Variants in GRID2 observed in about 807,000 individuals in gnomAD.
GRID2 encodes the protein glutamate ionotropic receptor delta type subunit 2.
GRID2 carries 33 observed loss-of-function variants against 114.8 expected under a neutral mutation model. The ratio of observed to expected loss-of-function variants is 0.29; its 90% CI spans 0.22 to 0.38. The LOEUF (loss-of-function observed/expected upper bound fraction) is 0.38, where lower values mean the gene tolerates loss of function less well. Ranked by LOEUF, GRID2 falls within the 10% of genes least tolerant of loss-of-function variation. The probability of loss-of-function intolerance (pLI) is 1.00; values close to 1 mark genes in which losing one functional copy is unlikely to be tolerated. For missense variants in GRID2, 1,184 were observed against 1,257.7 expected (o/e 0.94, Z 0.89); for synonymous variants, 505 against 449.9 (o/e 1.12, Z -1.55).
intron 14 of GRID2, among the ~76,000 whole-genome samples, chr4:93,670,946 T>C (rs191168280): frequency 5.3e-4 from 81 of 152,296 alleles, no homozygotes; most frequent in Middle Eastern, 3.4e-3. Flanking sequence ...GATCAAACAT[T>C]CTATATGTGT....
chr4:93,016,559 G>T (rs569896754), intron 2 of GRID2, among the ~76,000 whole-genome samples: 4 of 152,254 alleles, frequency 2.6e-5, no homozygotes, highest in Non-Finnish European at 5.9e-5. Flanking sequence ...CCCTCTCTGG[G>T]CAGTTGGAAG....
chr4:92,690,114 C>T (rs2658), intron 2 of GRID2, among the ~76,000 whole-genome samples: 9,679 of 151,878 alleles, frequency 0.064, 399 homozygotes, highest in East Asian at 0.088. Context: ...GCTTAATGGG[C>T]ACCTGAGGCC....
intron 2 of GRID2, among the ~76,000 whole-genome samples, chr4:92,644,052 C>T (rs1479150249): frequency 6.6e-6 from 1 of 151,534 alleles, no homozygotes; most frequent in Admixed American, 6.6e-5. Context: ...AGACAAAAAT[C>T]TACAACTAGA....
At chr4:92,727,102 TTC>T (rs1279023517) in intron 2 of GRID2, among the ~76,000 whole-genome samples, 1 of 152,052 alleles carries the variant, frequency 6.6e-6, no homozygotes, top group African/African-American at 2.4e-5. Context: ...TTATCTGAAT[TTC>T]TCTCCAATTA....
rs73839547 is a variant in GRID2 at position 93,481,215 on chromosome 4, G to T, written c.1859-9424G>T. ...AACGTGGTGAGTCCAGAAGAGATCC[G>T]TGAAATTTCCTATGTCAAGTTATTG... On this transcript the variant is annotated intron_variant, in intron 11 of 15. Transcript: ENST00000282020. Among the ~76,000 whole-genome samples the T allele has an allele frequency of 2.8e-3, 424 of 152,124 alleles. 2 individuals carry two copies. Among genetic ancestry groups the T allele is most frequent in the African/African-American group, 9.8e-3 (407 of 41,536 alleles).
At chr4:92,405,493 A>G (rs1279538500) in intron 1 of GRID2, among the ~76,000 whole-genome samples, 3 of 152,094 alleles carry the variant, frequency 2.0e-5, no homozygotes, top group Non-Finnish European at 2.9e-5. Context: ...TAAATTATAA[A>G]AGTGATTAGG....
chr4:93,764,890 TTTA>T (rs1270748327), intron 14 of GRID2, among the ~76,000 whole-genome samples: 2 of 152,224 alleles, frequency 1.3e-5, no homozygotes, highest in South Asian at 2.1e-4. Flanking sequence ...TTTTCTTGTG[TTTA>T]TTAAGAATTT....
At chr4:93,336,535 T>A (rs1423298982) in intron 8 of GRID2, among the ~76,000 whole-genome samples, 1 of 152,182 alleles carries the variant, frequency 6.6e-6, no homozygotes, top group Non-Finnish European at 1.5e-5. Flanking sequence ...CAGGTATATG[T>A]GTGGGATATT....
At chr4:92,591,560 G>T (rs1325269519) in intron 2 of GRID2, among the ~76,000 whole-genome samples, 6 of 152,128 alleles carry the variant, frequency 3.9e-5, no homozygotes, top group African/African-American at 1.2e-4. Context: ...AAGTTGGGCA[G>T]GATTTTTTTT....
intron 1 of GRID2, among the ~76,000 whole-genome samples, chr4:92,308,160 G>A (rs1341506698): frequency 6.6e-6 from 1 of 152,182 alleles, no homozygotes; most frequent in East Asian, 1.9e-4. Context: ...GGAGTTTAGA[G>A]CACTGCTTTA....
intron 8 of GRID2, among the ~76,000 whole-genome samples, chr4:93,320,808 T>C (rs534816992): frequency 6.6e-6 from 1 of 152,242 alleles, no homozygotes; most frequent in Non-Finnish European, 1.5e-5. Flanking sequence ...GCCATATTAT[T>C]TCATTAATAT....
At chr4:93,723,127 C>G (rs1004081942) in intron 14 of GRID2, among the ~76,000 whole-genome samples, 5 of 152,182 alleles carry the variant, frequency 3.3e-5, no homozygotes, top group African/African-American at 1.2e-4. Flanking sequence ...TCCACTTAGC[C>G]CCTACCAGAA....
intron 2 of GRID2, among the ~76,000 whole-genome samples, chr4:93,011,194 T>A (rs577512300): frequency 7.8e-4 from 119 of 151,882 alleles, no homozygotes; most frequent in African/African-American, 2.7e-3. Context: ...AGGAAGAGAA[T>A]TTTCATCAGT....
chr4:93,161,872 C>G (rs1391895964), intron 4 of GRID2, among the ~76,000 whole-genome samples: 4 of 151,502 alleles, frequency 2.6e-5, no homozygotes, highest in Admixed American at 2.0e-4. Flanking sequence ...TTAAGTTTTT[C>G]TTATTAATAT....
At chr4:92,809,788 A>G (rs1290653823) in intron 2 of GRID2, among the ~76,000 whole-genome samples, 4 of 152,124 alleles carry the variant, frequency 2.6e-5, no homozygotes, top group Admixed American at 6.6e-5. Flanking sequence ...TACCTACCAA[A>G]CTCATGCATT....
chr4:93,420,005 C>T (rs1374745946), intron 9 of GRID2, among the ~76,000 whole-genome samples: 1 of 152,054 alleles, frequency 6.6e-6, no homozygotes, highest in African/African-American at 2.4e-5. Flanking sequence ...TGTTATTCAA[C>T]TTCCTGGTGA....
At chr4:93,667,482 A>G (rs890089811) in intron 14 of GRID2, among the ~76,000 whole-genome samples, 1 of 151,890 alleles carries the variant, frequency 6.6e-6, no homozygotes, top group African/African-American at 2.4e-5. Context: ...CTGCCTTTGA[A>G]AAAGCATAAT....
chr4:93,766,348 G>C (rs28578917), intron 14 of GRID2, among the ~76,000 whole-genome samples: 1 of 152,086 alleles, frequency 6.6e-6, no homozygotes, highest in Non-Finnish European at 1.5e-5. Flanking sequence ...ACAAGGCAGC[G>C]GGAGAGAGAA....
intron 14 of GRID2, among the ~76,000 whole-genome samples, chr4:93,670,254 G>A (rs1724296010): frequency 6.6e-6 from 1 of 151,976 alleles, no homozygotes; most frequent in South Asian, 2.1e-4. Context: ...TCATTTCTAT[G>A]CACCCTGAAA....
Sources: allele counts gnomAD v4.1 joint callset (sites outside exome capture counted in the v4.1 genomes callset), GRCh38; gene constraint gnomAD v4.1.1; transcripts MANE v1.5; gene names NCBI Gene and HGNC (gene_info 2026-07-23, HGNC 2026-07-21).